The following AHCTF1 variants were observed in gnomAD, a reference collection of about 807,000 sequenced individuals.
The protein encoded by AHCTF1 is protein ELYS.
A neutral mutation model predicts 248.4 loss-of-function variants in AHCTF1; 24 were observed. The observed-to-expected ratio is 0.10, with a 90% CI of 0.07 to 0.14. The LOEUF (loss-of-function observed/expected upper bound fraction) is 0.14. Ranked by LOEUF, AHCTF1 falls within the 10% of genes least tolerant of loss-of-function variation. The probability of loss-of-function intolerance (pLI) is 1.00; values close to 1 mark genes in which losing one functional copy is unlikely to be tolerated. For missense variants in AHCTF1, 2,206 were observed against 2,636.2 expected, an observed-to-expected ratio of 0.84 and a Z score of 3.57; for synonymous variants, 786 against 929.8, an observed-to-expected ratio of 0.85 and a Z score of 2.81.
At chr1:246,885,349 C>G (rs189445466) in intron 21 of AHCTF1, 144 bp downstream of exon 21, 2 of 619,028 alleles carry the variant, frequency 3.2e-6, no homozygotes, top group East Asian at 5.7e-5. Flanking sequence ...TATTTTCAAT[C>G]TGAATTTGAT....
chr1:246,846,505 C>T (rs978714537), intron 33 of AHCTF1, among the ~76,000 whole-genome samples: 2 of 151,948 alleles, frequency 1.3e-5, no homozygotes, highest in African/African-American at 2.4e-5. Context: ...TGATTTTCTG[C>T]CCAGCTAGTA....
In AHCTF1 at chr1:246,863,916, A is replaced by C; in HGVS notation, c.3540+8T>G. On this transcript the variant is annotated splice_region_variant and intron_variant, in intron 27 of 35. Transcript: ENST00000648844. ...TTGATTGTGAACGCTAGATGCGTAA[A>C]TACTAACCTTAACTACAAGAGGAGT... 6.2e-7 allele frequency: 1 copy of C among 1,613,606 alleles called. No individual in the cohort carries two copies. Among genetic ancestry groups the C allele is most frequent in the Non-Finnish European group, 8.5e-7 (1 of 1,179,550 alleles).
chr1:246,929,674 T>C (rs1667188312), intron 1 of AHCTF1, among the ~76,000 whole-genome samples: 1 of 152,180 alleles, frequency 6.6e-6, no homozygotes, highest in Non-Finnish European at 1.5e-5. Flanking sequence ...CCGAGGGAAG[T>C]TACACTTCAT....
intron 24 of AHCTF1, among the ~76,000 whole-genome samples, chr1:246,873,638 G>C (rs1157150483): frequency 1.3e-5 from 2 of 152,024 alleles, no homozygotes; most frequent in Admixed American, 1.3e-4. Flanking sequence ...AAATATACTA[G>C]AGACAATACA....
chr1:246,891,469 G>GA (rs1664201826), intron 15 of AHCTF1, among the ~76,000 whole-genome samples: 3 of 151,304 alleles, frequency 2.0e-5, no homozygotes, highest in Admixed American at 2.0e-4. Flanking sequence ...TTGCAAAACA[G>GA]AAAAAATTTA....
chr1:246,876,946 G>A lies in AHCTF1; in HGVS notation c.2937+4C>T, dbSNP rs552619830. On this transcript the variant is annotated splice_donor_region_variant and intron_variant, in intron 23 of 35. Coordinates refer to ENST00000648844, the MANE Select transcript of AHCTF1 (RefSeq NM_001323342.2). ...CCCCCATAATAAGACAACTTTAATCGTACCATAACATTAATCTTCAGAGTT... is the reference window on the plus strand; with the variant it reads ...CCCCCATAATAAGACAACTTTAATCATACCATAACATTAATCTTCAGAGTT... 3.0e-5 allele frequency: 48 copies of A among 1,611,302 alleles called. No homozygotes were observed. The highest frequency in any genetic ancestry group is 2.7e-4 in the East Asian group (12 of 44,852).
chr1:246,868,855 T>G lies in AHCTF1; in HGVS notation c.3089-1044A>C, dbSNP rs967996778. 3.4e-3 allele frequency among the ~76,000 whole-genome samples: 506 copies of G among 149,994 alleles called. 6 individuals carry two copies. Among genetic ancestry groups the G allele is most frequent in the Admixed American group, 4.6e-3 (70 of 15,124 alleles). On this transcript the variant is annotated intron_variant, in intron 24 of 35. Transcript: ENST00000648844. ...TGTGTGTGTGTTTTTTGTTTTTTTT[T>G]TTTTTTTGAGATGGAGTCTCGCTCT...
chr1:246,869,286 C>T (rs553445475), intron 24 of AHCTF1, among the ~76,000 whole-genome samples: 1 of 152,294 alleles, frequency 6.6e-6, no homozygotes, highest in Admixed American at 6.5e-5. Flanking sequence ...GAGGACCTCC[C>T]TTATTCCTTG....
chr1:246,875,251 T>G (rs936783285), intron 24 of AHCTF1, among the ~76,000 whole-genome samples: 17 of 152,090 alleles, frequency 1.1e-4, no homozygotes, highest in African/African-American at 4.1e-4. Flanking sequence ...AGCTGGACAC[T>G]CCCTTACATA....
At position 246,931,670 on chromosome 1, in the gene AHCTF1, T is replaced by C. The variant is rs1667372652; in HGVS notation, c.-100A>G. ...CCTCCCGTGCGGGTCCGTCACAGCA[T>C]CTCCCGGGAGACGTGGCCGCCACGG... On this transcript the variant is annotated 5_prime_UTR_variant, in exon 1 of 36. An upstream start codon of the reference 5' UTR is lost. Coordinates refer to ENST00000648844, the MANE Select transcript of AHCTF1 (RefSeq NM_001323342.2). 6.6e-6 allele frequency: 1 copy of C among 151,904 alleles called. No individual in the cohort carries two copies. Among genetic ancestry groups the C allele is most frequent in the South Asian group, 2.0e-4 (1 of 4,948 alleles). 9.4% of individuals were successfully genotyped at this position (151,904 alleles called of 1,614,324 possible). A position where few individuals can be genotyped will look rare whatever the true frequency, so the allele number is the denominator to read the frequency against.
chr1:246,881,456 A>G lies in AHCTF1; in HGVS notation c.2660+4037T>C, dbSNP rs560585240. On this transcript the variant is annotated intron_variant, in intron 21 of 35. Coordinates refer to ENST00000648844, the MANE Select transcript of AHCTF1 (RefSeq NM_001323342.2). ...CAAACTTGATCATGGGGACAAATATATTTGACATTTCACCTATTAAATGGA... is the reference window on the plus strand; with the variant it reads ...CAAACTTGATCATGGGGACAAATATGTTTGACATTTCACCTATTAAATGGA... 2.6e-5 allele frequency among the ~76,000 whole-genome samples: 4 copies of G among 152,322 alleles called. No homozygotes were observed. The South Asian group carries it at 8.3e-4, about 32-fold the overall frequency.
At position 246,877,048 on chromosome 1, in the gene AHCTF1, T is replaced by C. The variant is rs773004278; in HGVS notation, c.2839A>G (p.Ser947Gly). ...CLVKFLQSSA[S>G]VQNHEFLLVH... ...AAAAGGAATTCATGATTCTGAACGC[T>C]GGCACTGGACTGCAAAAATTTCACT... Residue 947 changes from serine to glycine, a missense_variant, in exon 23 of 36, where the codon AGC becomes GGC. By Grantham distance (56) the Ser-to-Gly change is moderately conservative (BLOSUM62 0). Transcript: ENST00000648844. 6.2e-7 allele frequency: 1 copy of C among 1,612,222 alleles called. No homozygotes were observed. The highest frequency in any genetic ancestry group is 2.2e-5 in the East Asian group (1 of 44,868).
intron 12 of AHCTF1, among the ~76,000 whole-genome samples, chr1:246,897,044 T>G (rs972886912): frequency 1.3e-5 from 2 of 152,252 alleles, no homozygotes; most frequent in Non-Finnish European, 2.9e-5. Context: ...CCAGGCACAG[T>G]GGCTCACACC....
intron 34 of AHCTF1, among the ~76,000 whole-genome samples, chr1:246,843,412 TA>T (rs1159246968): frequency 6.6e-6 from 1 of 152,266 alleles, no homozygotes; most frequent in African/African-American, 2.4e-5. Context: ...GATAATTCAA[TA>T]AATGCTTATG....
At chr1:246,876,732 T>C (rs1471888905) in intron 23 of AHCTF1, among the ~76,000 whole-genome samples, 3 of 152,170 alleles carry the variant, frequency 2.0e-5, no homozygotes, top group Non-Finnish European at 4.4e-5. Context: ...AATGGCAATA[T>C]TGTAGGCAGA....
intron 3 of AHCTF1, 120 bp from the exon 4 acceptor site, chr1:246,913,532 T>A: frequency 1.1e-6 from 1 of 886,426 alleles, no homozygotes; most frequent in Non-Finnish European, 1.6e-6. Flanking sequence ...TAGAGTAAAT[T>A]TGCATTTGAT....
At position 246,900,210 on chromosome 1, in the gene AHCTF1, T is replaced by C. The variant is rs577884110; in HGVS notation, c.1287A>G (p.Ala429=). ...TTACAACAGACTCCAATGACCACAGTGCAAAATAAGAGCAATTATGTAGAT... is the reference window on the plus strand; with the variant it reads ...TTACAACAGACTCCAATGACCACAGCGCAAAATAAGAGCAATTATGTAGAT... ...GEYLHNCSYF[A]LWSLESVVSR... Residue 429 remains alanine, a synonymous_variant, in exon 10 of 36, where the codon GCA becomes GCG. Transcript: ENST00000648844. The C allele has an allele frequency of 6.3e-6, 10 of 1,596,640 alleles. No individual in the cohort carries two copies. In the South Asian group the frequency reaches 9.2e-5, roughly 15 times the overall value.
chr1:246,875,639 T>C (rs1372570126), intron 24 of AHCTF1, among the ~76,000 whole-genome samples: 1 of 152,196 alleles, frequency 6.6e-6, no homozygotes, highest in Non-Finnish European at 1.5e-5. Context: ...CAACCTTCAG[T>C]AGTCACCATG....
chr1:246,922,749 A>G (rs536691629), intron 1 of AHCTF1, among the ~76,000 whole-genome samples: 181 of 150,366 alleles, frequency 1.2e-3, no homozygotes, highest in African/African-American at 2.2e-3. Context: ...TTGGGAGGCC[A>G]AGGAGGGCGG....
Sources: allele counts gnomAD v4.1 joint callset (sites outside exome capture counted in the v4.1 genomes callset), GRCh38; gene constraint gnomAD v4.1.1; transcripts MANE v1.5; gene names NCBI Gene and HGNC (gene_info 2026-07-23, HGNC 2026-07-21).